The following RANBP17 variants were observed in gnomAD, a reference collection of about 807,000 sequenced individuals.
RANBP17 encodes RAN binding protein 17.
RANBP17 carries 158 observed loss-of-function variants against 141.2 expected under a neutral mutation model. The observed-to-expected ratio is 1.12, with a 90% confidence interval of 0.98 to 1.28. The LOEUF (loss-of-function observed/expected upper bound fraction) is 1.28, where lower values mean the gene tolerates loss of function less well. RANBP17 is among the 50% of genes most tolerant of loss of function. The pLI is 0.00. For synonymous variants in RANBP17, 430 were observed against 450.0 expected, an observed-to-expected ratio of 0.96 and a Z score of 0.56; for missense variants, 1,438 against 1,290.7, an observed-to-expected ratio of 1.11 and a Z score of -1.75.
At chr5:171,031,928 A>G (rs1781573557) in intron 14 of RANBP17, among the ~76,000 whole-genome samples, 1 of 151,114 alleles carries the variant, frequency 6.6e-6, no homozygotes, top group Non-Finnish European at 1.5e-5. Context: ...GGTGGCGTCC[A>G]CTTTATAAAA....
At chr5:170,881,585 A>G (rs1768697069) in intron 2 of RANBP17, among the ~76,000 whole-genome samples, 1 of 152,194 alleles carries the variant, frequency 6.6e-6, no homozygotes, top group Non-Finnish European at 1.5e-5. Flanking sequence ...ATGGCTGTCT[A>G]CATCTCCCTC....
intron 14 of RANBP17, among the ~76,000 whole-genome samples, chr5:171,117,536 G>T (rs1030684484): frequency 6.6e-6 from 1 of 151,974 alleles, no homozygotes; most frequent in Non-Finnish European, 1.5e-5. Flanking sequence ...GTCTTGCTCT[G>T]TCGCCCAGGC....
intron 14 of RANBP17, among the ~76,000 whole-genome samples, chr5:171,155,982 G>GT (rs1758868829): frequency 6.6e-6 from 1 of 152,080 alleles, no homozygotes; most frequent in African/African-American, 2.4e-5. Flanking sequence ...ACTTAATCCT[G>GT]TAAATTGGAG....
Position 171,083,337 on chromosome 5 carries a change from C to T in RANBP17, c.1711-86793C>T, listed in dbSNP as rs1785381553. On this transcript the variant is annotated intron_variant, in intron 14 of 27. Transcript: ENST00000523189. ...CAAAAAGCTAGCCCACTCCTTCCACCATGTAAGGAGAGAATGAAAAATTGG... is the reference window on the plus strand; with the variant it reads ...CAAAAAGCTAGCCCACTCCTTCCACTATGTAAGGAGAGAATGAAAAATTGG... Among the ~76,000 whole-genome samples, 3 of 152,046 alleles carry T rather than the reference C, an allele frequency of 2.0e-5. No individual in the cohort carries two copies. The South Asian group carries it at 6.2e-4, about 32-fold the overall frequency.
chr5:171,016,279 A>ACTC (rs1402736634), intron 14 of RANBP17, among the ~76,000 whole-genome samples: 1 of 149,316 alleles, frequency 6.7e-6, no homozygotes, highest in Non-Finnish European at 1.5e-5. Context: ...GAGGGTCAAT[A>ACTC]CTCCCTGTTA....
chr5:170,909,384 C>T (rs191870380), intron 5 of RANBP17, among the ~76,000 whole-genome samples: 1 of 151,758 alleles, frequency 6.6e-6, no homozygotes, highest in Admixed American at 6.6e-5. Context: ...GTTGTTACTG[C>T]ATGATATAAA....
At chr5:171,186,193 T>G (rs918342589) in intron 18 of RANBP17, among the ~76,000 whole-genome samples, 31 of 152,340 alleles carry the variant, frequency 2.0e-4, no homozygotes, top group African/African-American at 7.5e-4. Context: ...TGACCTCTCC[T>G]CTGTAGCTAT....
At chr5:171,181,397 G>T (rs547738002) in intron 16 of RANBP17, among the ~76,000 whole-genome samples, 2 of 151,974 alleles carry the variant, frequency 1.3e-5, no homozygotes, top group Non-Finnish European at 2.9e-5. Context: ...GTTGCAGTGA[G>T]CTGAGATCAC....
At chr5:171,088,801 T>C (rs891952726) in intron 14 of RANBP17, among the ~76,000 whole-genome samples, 6 of 152,296 alleles carry the variant, frequency 3.9e-5, no homozygotes, top group South Asian at 2.1e-4. Flanking sequence ...CGAGCCTTGG[T>C]TTTCAGCTCC....
intron 14 of RANBP17, among the ~76,000 whole-genome samples, chr5:171,025,169 A>G (rs547293511): frequency 6.6e-6 from 1 of 152,264 alleles, no homozygotes; most frequent in East Asian, 1.9e-4. Context: ...CTGCCTTTCC[A>G]TGACCTCTGT....
At chr5:171,061,916 G>A (rs922161213) in intron 14 of RANBP17, among the ~76,000 whole-genome samples, 2 of 152,084 alleles carry the variant, frequency 1.3e-5, no homozygotes, top group African/African-American at 2.4e-5. Context: ...TTATGTAATG[G>A]CCTTCTTTGT....
chr5:171,214,861 G>A (rs2127974079), intron 21 of RANBP17, among the ~76,000 whole-genome samples: 1 of 151,918 alleles, frequency 6.6e-6, no homozygotes, highest in South Asian at 2.1e-4. Flanking sequence ...ATATTATAAA[G>A]TATTTTATGT....
chr5:171,241,244 A>G (rs1349151828), intron 23 of RANBP17, 102 bp downstream of exon 23: 2 of 855,388 alleles, frequency 2.3e-6, no homozygotes, highest in African/African-American at 1.7e-5. Flanking sequence ...AGCCTAGAAC[A>G]TTTTATGTTT....
intron 16 of RANBP17, among the ~76,000 whole-genome samples, chr5:171,182,266 C>T (rs1760908903): frequency 6.6e-6 from 1 of 152,218 alleles, no homozygotes; most frequent in African/African-American, 2.4e-5. Flanking sequence ...GTAGAAAACA[C>T]ATGACTATGG....
chr5:171,235,840 C>T (rs962952085), intron 22 of RANBP17, among the ~76,000 whole-genome samples: 1 of 152,074 alleles, frequency 6.6e-6, no homozygotes, highest in Non-Finnish European at 1.5e-5. Flanking sequence ...GTGATCCATC[C>T]GCTTCAGCCT....
At chr5:171,248,999 G>A (rs541929296) in intron 24 of RANBP17, among the ~76,000 whole-genome samples, 1 of 152,286 alleles carries the variant, frequency 6.6e-6, no homozygotes, top group East Asian at 1.9e-4. Flanking sequence ...ACAAGTGCCA[G>A]CCTATACTAC....
chr5:171,237,761 T>C (rs74404955), intron 22 of RANBP17, among the ~76,000 whole-genome samples: 7,499 of 152,248 alleles, frequency 0.049, 308 homozygotes, highest in Admixed American at 0.12. Flanking sequence ...ATCAGTGCAA[T>C]GTAGATCTCC....
intron 25 of RANBP17, among the ~76,000 whole-genome samples, chr5:171,291,653 A>T (rs1310029032): frequency 1.3e-5 from 2 of 152,174 alleles, no homozygotes; most frequent in Admixed American, 1.3e-4. Flanking sequence ...TTCATCCAGT[A>T]TTCTTCCACA....
intron 14 of RANBP17, among the ~76,000 whole-genome samples, chr5:171,099,079 T>C (rs1035220587): frequency 5.9e-5 from 9 of 152,180 alleles, no homozygotes; most frequent in Non-Finnish European, 1.2e-4. Flanking sequence ...TTGCTTAGGA[T>C]TGTCATGGCT....
Sources: gnomAD v4.1 joint callset for allele counts (sites outside exome capture counted in the v4.1 genomes callset) on GRCh38, gnomAD v4.1.1 for gene constraint, MANE v1.5 for transcripts, NCBI Gene and HGNC (gene_info 2026-07-23, HGNC 2026-07-21) for gene names.